ERC2: variants seen among roughly 807,000 people sequenced by gnomAD.
The protein encoded by ERC2 is ERC protein 2.
ERC2 carries 42 observed loss-of-function variants against 114.8 expected under a neutral mutation model. That is an observed-to-expected ratio of 0.37 (90% CI 0.29 to 0.47). ERC2 has a LOEUF of 0.47. Among genes scored for constraint, ERC2 ranks in the 20% least tolerant of loss-of-function variants. ERC2 has a pLI of 0.99. For synonymous variants in ERC2, 454 were observed against 425.5 expected (o/e 1.07, Z -0.82); for missense variants, 939 against 1,150.7 (o/e 0.82, Z 2.66).
chr3:55,607,986 G>A (rs2148553215), intron 17 of ERC2: 1 of 151,566 alleles, frequency 6.6e-6, no homozygotes, highest in East Asian at 1.9e-4. Context: ...GCCTCCATGT[G>A]GGGGAAAAAA....
At chr3:56,147,504 G>A (rs2081203270) in intron 5 of ERC2, among the ~76,000 whole-genome samples, 1 of 152,172 alleles carries the variant, frequency 6.6e-6, no homozygotes, top group African/African-American at 2.4e-5. Context: ...TTGTGATGAA[G>A]TAAACACTGG....
rs12491481 is a variant in ERC2, at chr3:55,714,667, G to A, written c.2713-15155C>T. Among the ~76,000 whole-genome samples the A allele has an allele frequency of 6.4e-3, 564 of 88,236 alleles. 3 individuals carry two copies. Among genetic ancestry groups the A allele is most frequent in the East Asian group, 0.018 (56 of 3,100 alleles). 57.9% of individuals were successfully genotyped at this position (88,236 alleles called of 152,430 possible). On this transcript the variant is annotated intron_variant, in intron 15 of 17. Transcript: ENST00000288221. Reference sequence around the variant, plus strand: ...TGTGTGTGTGTGTGTGTGTGTGTGTGTATATATATATATATATATATATAT... The same window carrying A: ...TGTGTGTGTGTGTGTGTGTGTGTGTATATATATATATATATATATATATAT...
chr3:55,602,965 C>A (rs559043007), intron 17 of ERC2, among the ~76,000 whole-genome samples: 1 of 152,256 alleles, frequency 6.6e-6, no homozygotes, highest in East Asian at 1.9e-4. Flanking sequence ...ACAGGGCATG[C>A]CTGTCTTGTC....
intron 3 of ERC2, among the ~76,000 whole-genome samples, chr3:56,261,315 A>C (rs1236901717): frequency 1.3e-5 from 2 of 152,204 alleles, no homozygotes; most frequent in African/African-American, 4.8e-5. Context: ...ATTTATATAC[A>C]ATCTGTTATT....
chr3:56,295,803 G>A (rs770243628), intron 3 of ERC2, among the ~76,000 whole-genome samples: 8 of 152,062 alleles, frequency 5.3e-5, no homozygotes, highest in Non-Finnish European at 1.0e-4. Flanking sequence ...CTTGGATCGC[G>A]GATATGTGCT....
intron 3 of ERC2, among the ~76,000 whole-genome samples, chr3:56,261,251 C>A (rs2052904087): frequency 6.6e-6 from 1 of 152,158 alleles, no homozygotes; most frequent in South Asian, 2.1e-4. Context: ...CCCTCTCATG[C>A]CTAGGTTAAG....
At chr3:56,398,854 G>A (rs2060415035) in intron 2 of ERC2, among the ~76,000 whole-genome samples, 1 of 152,140 alleles carries the variant, frequency 6.6e-6, no homozygotes, top group Non-Finnish European at 1.5e-5. Context: ...CTTAGCCTCA[G>A]GCAATCCTCC....
At chr3:55,897,355 G>A (rs2063892935) in intron 13 of ERC2, among the ~76,000 whole-genome samples, 1 of 152,180 alleles carries the variant, frequency 6.6e-6, no homozygotes, top group Admixed American at 6.5e-5. Flanking sequence ...TGTCAGCATG[G>A]AGTTGGTGTG....
intron 17 of ERC2, among the ~76,000 whole-genome samples, chr3:55,575,248 C>T (rs2056917361): frequency 6.6e-6 from 1 of 152,134 alleles, no homozygotes; most frequent in Admixed American, 6.5e-5. Context: ...GAACTCCTGA[C>T]CTCAAGTGAT....
chr3:55,928,516 C>T (rs908109365), intron 13 of ERC2, among the ~76,000 whole-genome samples: 2 of 151,874 alleles, frequency 1.3e-5, no homozygotes, highest in Non-Finnish European at 1.5e-5. Context: ...GTTATCAATC[C>T]CTTTTCAGAT....
intron 7 of ERC2, among the ~76,000 whole-genome samples, chr3:56,054,551 T>C (rs2075916329): frequency 6.6e-6 from 1 of 152,220 alleles, no homozygotes. Context: ...GTTGGGTACC[T>C]TGTCCCCCCT....
chr3:56,290,024 C>A (rs1186871728), intron 3 of ERC2, among the ~76,000 whole-genome samples: 3 of 152,198 alleles, frequency 2.0e-5, no homozygotes, highest in Non-Finnish European at 4.4e-5. Context: ...TTATTGCTCA[C>A]CTGAATCTCT....
At chr3:55,965,371 T>A (rs935034892) in intron 12 of ERC2, among the ~76,000 whole-genome samples, 3 of 152,270 alleles carry the variant, frequency 2.0e-5, no homozygotes, top group Non-Finnish European at 2.9e-5. Context: ...TATTATTTAA[T>A]TTTAACTAAT....
chr3:55,656,496 G>T (rs1193640395), intron 17 of ERC2, among the ~76,000 whole-genome samples: 1 of 152,060 alleles, frequency 6.6e-6, no homozygotes. Context: ...CATCACCCAG[G>T]CCTGGCCTTG....
intron 3 of ERC2, among the ~76,000 whole-genome samples, chr3:56,295,392 T>C (rs1026191281): frequency 3.9e-5 from 6 of 152,136 alleles, no homozygotes; most frequent in East Asian, 1.9e-4. Context: ...CATCCCAACA[T>C]TGAATGGTGG....
At chr3:56,006,797 A>G (rs1447407138) in intron 10 of ERC2, among the ~76,000 whole-genome samples, 1 of 152,074 alleles carries the variant, frequency 6.6e-6, no homozygotes, top group Non-Finnish European at 1.5e-5. Flanking sequence ...AAAATGACCT[A>G]CATCTGAAAG....
intron 17 of ERC2, among the ~76,000 whole-genome samples, chr3:55,549,914 C>T (rs894359233): frequency 3.5e-5 from 5 of 141,904 alleles, no homozygotes; most frequent in African/African-American, 1.3e-4. Flanking sequence ...CCCCAACCCC[C>T]CTCCCCGACA....
intron 3 of ERC2, among the ~76,000 whole-genome samples, chr3:56,259,104 A>G (rs2052731161): frequency 1.3e-5 from 2 of 151,700 alleles, no homozygotes; most frequent in Non-Finnish European, 2.9e-5. Context: ...CTCCTGAGTA[A>G]CGGGATTACA....
At chr3:55,930,515 A>G (rs1235509813) in intron 13 of ERC2, among the ~76,000 whole-genome samples, 3 of 152,202 alleles carry the variant, frequency 2.0e-5, no homozygotes, top group Admixed American at 6.5e-5. Context: ...AGGAGTCCCT[A>G]TTTAATAAAT....
Sources: gnomAD v4.1 joint callset for allele counts (sites outside exome capture counted in the v4.1 genomes callset) on GRCh38, gnomAD v4.1.1 for gene constraint, MANE v1.5 for transcripts, NCBI Gene and HGNC (gene_info 2026-07-23, HGNC 2026-07-21) for gene names.